Variants in SIPA1L2 observed in about 807,000 individuals in gnomAD.
The protein encoded by SIPA1L2 is signal-induced proliferation-associated 1-like protein 2.
Under a neutral mutation model 163.9 loss-of-function variants are expected in SIPA1L2, and 56 were observed. The observed-to-expected ratio is 0.34, with a 90% CI of 0.28 to 0.43. The LOEUF (loss-of-function observed/expected upper bound fraction) is 0.43. Among genes scored for constraint, SIPA1L2 ranks in the 20% least tolerant of loss-of-function variants. SIPA1L2 has a pLI of 1.00. For missense variants in SIPA1L2, 1,974 were observed against 2,193.5 expected (o/e 0.90, Z 2.00); for synonymous variants, 877 against 865.7 (o/e 1.01, Z -0.23).
Position 232,548,946 on chromosome 1 carries a change from A to C in SIPA1L2, c.-270+25228T>G, listed in dbSNP as rs1658216958. Among the ~76,000 whole-genome samples, 3 of 152,238 alleles carry C rather than the reference A, an allele frequency of 2.0e-5. No individual in the cohort carries two copies. In the South Asian group the frequency reaches 6.2e-4, roughly 31 times the overall value. ...GGCCAAGGCCAGCTGTGCAGGGAGG[A>C]GCAGAAGCTTCTGGAAAGCCCAAGG... On this transcript the variant is annotated intron_variant, in intron 2 of 22. Coordinates refer to ENST00000674635, the MANE Select transcript of SIPA1L2 (RefSeq NM_020808.5).
In SIPA1L2 at chr1:232,465,317, TA is replaced by T; in HGVS notation, c.2342del (p.Leu781Ter). 6.2e-7 allele frequency: 1 copy of T among 1,614,100 alleles called. No homozygotes were observed. Among genetic ancestry groups the T allele is most frequent in the East Asian group, 2.2e-5 (1 of 44,876 alleles). ...PKSAVFRDFLLAKVINAENAA... is the reference protein window; with the variant it reads ...PKSAVFRDFLXAKVINAENAA... ...CATTTTCTGCATTGATTACTTTGGC[TA>T]AAAGGAAGTCCCGGAACACGGCTGA... On this transcript the variant is annotated frameshift_variant, in exon 9 of 23. Coordinates refer to ENST00000674635, the MANE Select transcript of SIPA1L2 (RefSeq NM_020808.5). LOFTEE classifies it high-confidence loss of function. This position sits in a 1 kb window ranked among gnomAD's most constrained non-coding sequence, Gnocchi z 4.1.
At chr1:232,617,788 A>G (rs1293650991) in intron 1 of SIPA1L2, among the ~76,000 whole-genome samples, 1 of 152,234 alleles carries the variant, frequency 6.6e-6, no homozygotes, top group African/African-American at 2.4e-5. Context: ...GTATGCATTT[A>G]TCAAAACTCC....
intron 2 of SIPA1L2, among the ~76,000 whole-genome samples, chr1:232,520,446 G>C (rs1260008067): frequency 6.6e-6 from 1 of 152,212 alleles, no homozygotes; most frequent in African/African-American, 2.4e-5. Flanking sequence ...AAAAGAAATG[G>C]AGAGCATTTG....
At chr1:232,612,649 T>C (rs1253557800) in intron 1 of SIPA1L2, among the ~76,000 whole-genome samples, 1 of 152,228 alleles carries the variant, frequency 6.6e-6, no homozygotes, top group Non-Finnish European at 1.5e-5. Flanking sequence ...CTGTATTTAC[T>C]CATACCTATA....
chr1:232,439,571 C>G lies in SIPA1L2; in HGVS notation c.3643-75G>C, dbSNP rs1268229202. On this transcript the variant is annotated intron_variant, in intron 14 of 22. Coordinates refer to ENST00000674635, the MANE Select transcript of SIPA1L2 (RefSeq NM_020808.5). ...GTGCTTCTCACCCTGACTCAGGGAG[C>G]TACAAGCCATGGGATCGCACCCAAG... The G allele has an allele frequency of 5.3e-6, 8 of 1,522,120 alleles. No homozygotes were observed. In the African/African-American group the frequency reaches 9.6e-5, roughly 18 times the overall value. 94.3% of individuals were successfully genotyped at this position (1,522,120 alleles called of 1,614,324 possible). A position where few individuals can be genotyped will look rare whatever the true frequency, so the allele number is the denominator to read the frequency against.
intron 1 of SIPA1L2, among the ~76,000 whole-genome samples, chr1:232,589,066 T>C (rs974296681): frequency 6.6e-6 from 1 of 152,164 alleles, no homozygotes; most frequent in African/African-American, 2.4e-5. Flanking sequence ...AGAAGCACTA[T>C]CTGAAAGAAA....
Position 232,608,961 on chromosome 1 carries a change from G to A in SIPA1L2, c.-319+20908C>T, listed in dbSNP as rs140098732. ...GTCAAACACGTATCTAATATTAACC[G>A]ACATCCCCTCCTTTAGAAAAGAATT... On this transcript the variant is annotated intron_variant, in intron 1 of 22. Coordinates refer to ENST00000674635, the MANE Select transcript of SIPA1L2 (RefSeq NM_020808.5). Among the ~76,000 whole-genome samples the A allele has an allele frequency of 3.6e-3, 541 of 150,330 alleles. 7 individuals carry two copies. The highest frequency in any genetic ancestry group is 0.013 in the African/African-American group (522 of 40,804).
chr1:232,526,769 C>G (rs1188440524), intron 2 of SIPA1L2, among the ~76,000 whole-genome samples: 1 of 152,202 alleles, frequency 6.6e-6, no homozygotes, highest in Non-Finnish European at 1.5e-5. Flanking sequence ...TCATCTGAGA[C>G]TGTGCCCCCC....
rs76395447 is a variant in SIPA1L2, at chr1:232,549,106, T to C, written c.-270+25068A>G. 6.7e-3 allele frequency among the ~76,000 whole-genome samples: 1,022 copies of C among 152,292 alleles called. 14 individuals carry two copies. The highest frequency in any genetic ancestry group is 0.023 in the African/African-American group (950 of 41,552). ...CACCAAAAGGGACATGGAGCTTTCATGCTGGGTCTGTGCCACCAGCACCCT... is the reference window on the plus strand; with the variant it reads ...CACCAAAAGGGACATGGAGCTTTCACGCTGGGTCTGTGCCACCAGCACCCT... On this transcript the variant is annotated intron_variant, in intron 2 of 22. Coordinates refer to ENST00000674635, the MANE Select transcript of SIPA1L2 (RefSeq NM_020808.5).
chr1:232,471,563 T>C (rs368217848), intron 7 of SIPA1L2, 35 bp from the exon 8 acceptor site: 3 of 1,555,358 alleles, frequency 1.9e-6, no homozygotes, highest in Non-Finnish European at 2.6e-6. Context: ...ACAAATAAGT[T>C]TTTCTTTAAA....
chr1:232,581,469 A>G (rs1440624497), intron 1 of SIPA1L2, among the ~76,000 whole-genome samples: 3 of 152,148 alleles, frequency 2.0e-5, no homozygotes, highest in African/African-American at 4.8e-5. Context: ...AGAGAGGAAA[A>G]AAGAGGCCTT....
intron 2 of SIPA1L2, among the ~76,000 whole-genome samples, chr1:232,517,869 C>T (rs769652869): frequency 6.6e-6 from 1 of 151,710 alleles, no homozygotes; most frequent in Non-Finnish European, 1.5e-5. Flanking sequence ...AGCAAGAGCC[C>T]GTCTCTACAA....
At chr1:232,457,605 T>C (rs1465292004) in intron 10 of SIPA1L2, among the ~76,000 whole-genome samples, 2 of 152,184 alleles carry the variant, frequency 1.3e-5, no homozygotes, top group African/African-American at 2.4e-5. Flanking sequence ...TGTATAGCTT[T>C]AGCTTGAGGC....
intron 10 of SIPA1L2, among the ~76,000 whole-genome samples, chr1:232,447,608 T>G (rs1424281705): frequency 6.6e-6 from 1 of 152,250 alleles, no homozygotes; most frequent in Non-Finnish European, 1.5e-5. Flanking sequence ...GTGCATGCAG[T>G]AGCCCCATTC....
chr1:232,496,674 C>T (rs558299657), intron 3 of SIPA1L2, among the ~76,000 whole-genome samples: 2 of 152,004 alleles, frequency 1.3e-5, no homozygotes, highest in South Asian at 4.2e-4. Context: ...GATTACTGGA[C>T]CCATGGCAGT....
At chr1:232,475,092 T>C (rs943242379) in intron 7 of SIPA1L2, among the ~76,000 whole-genome samples, 2 of 152,212 alleles carry the variant, frequency 1.3e-5, no homozygotes, top group African/African-American at 4.8e-5. Context: ...AGCAAATCCA[T>C]ATTCTCTAAA....
At chr1:232,404,814 G>A (rs1274024607) in intron 19 of SIPA1L2, among the ~76,000 whole-genome samples, 2 of 152,128 alleles carry the variant, frequency 1.3e-5, no homozygotes, top group Non-Finnish European at 2.9e-5. Context: ...TGAGAACCTC[G>A]CAATCTATTC....
intron 18 of SIPA1L2, among the ~76,000 whole-genome samples, chr1:232,421,503 A>G (rs903243782): frequency 6.6e-6 from 1 of 152,194 alleles, no homozygotes; most frequent in Non-Finnish European, 1.5e-5. Flanking sequence ...ACCGATGTTT[A>G]TTACAGGGAA....
intron 19 of SIPA1L2, among the ~76,000 whole-genome samples, chr1:232,414,798 A>G (rs1042064097): frequency 6.6e-6 from 1 of 152,228 alleles, no homozygotes; most frequent in Admixed American, 6.5e-5. Flanking sequence ...AGGTTTACAC[A>G]GTATCACCGT....
Sources: gnomAD v4.1 joint callset for allele counts (sites outside exome capture counted in the v4.1 genomes callset) on GRCh38, gnomAD v4.1.1 for gene constraint, Gnocchi (gnomAD v3.1) non-coding constraint, MANE v1.5 for transcripts, NCBI Gene and HGNC (gene_info 2026-07-23, HGNC 2026-07-21) for gene names.